EQTN: variants seen among roughly 807,000 people sequenced by gnomAD.
EQTN encodes Acrosome formation associated factor.
Under a neutral mutation model 26.9 loss-of-function variants are expected in EQTN, and 29 were observed. The ratio of observed to expected loss-of-function variants is 1.08; its 90% CI spans 0.80 to 1.47. The LOEUF (loss-of-function observed/expected upper bound fraction) is 1.47, where lower values mean the gene tolerates loss of function less well. Ranked by LOEUF, EQTN falls within the 40% of genes most tolerant of loss-of-function variation. EQTN has a pLI of 0.00. For synonymous variants in EQTN, 129 were observed against 120.0 expected, an observed-to-expected ratio of 1.07 and a Z score of -0.49; for missense variants, 391 against 346.1, an observed-to-expected ratio of 1.13 and a Z score of -1.03.
At chr9:27,295,017 A>T (rs1587116920) in intron 2 of EQTN, among the ~76,000 whole-genome samples, 1 of 152,348 alleles carries the variant, frequency 6.6e-6, no homozygotes, top group South Asian at 2.1e-4. Flanking sequence ...CCAAAATTTC[A>T]TAAGATGATA....
At position 27,294,318 on chromosome 9, in the gene EQTN, T is replaced by G; in HGVS notation, c.287A>C (p.Asn96Thr). 8 of 1,607,100 alleles carry G rather than the reference T, an allele frequency of 5.0e-6. No homozygotes were observed. The highest frequency in any genetic ancestry group is 1.3e-5 in the African/African-American group (1 of 74,936). ...ATTDLNFALK[N>T]DKTVNATTYE... Reference sequence around the variant, plus strand: ...CAATGGTGCCTTTCACTTCTTACCGTTTTTTAGAGCAAAATTCAGGTCAGT... The same window carrying G: ...CAATGGTGCCTTTCACTTCTTACCGGTTTTTAGAGCAAAATTCAGGTCAGT... The change falls in exon 3 of 8, where the codon AAC becomes ACC. Residue 96 changes from asparagine (N) to threonine (T), a missense_variant and splice_region_variant. Asn to Thr is a moderately conservative substitution (Grantham distance 65). Coordinates refer to ENST00000380032, the MANE Select transcript of EQTN (RefSeq NM_020641.3).
At chr9:27,290,583 C>A (rs1820214615) in intron 5 of EQTN, among the ~76,000 whole-genome samples, 1 of 152,316 alleles carries the variant, frequency 6.6e-6, no homozygotes, top group African/African-American at 2.4e-5. Flanking sequence ...TGCATTTATA[C>A]ACACACGCAT....
At chr9:27,295,189 T>A (rs902317673) in intron 2 of EQTN, among the ~76,000 whole-genome samples, 5 of 152,166 alleles carry the variant, frequency 3.3e-5, no homozygotes, top group African/African-American at 1.2e-4. Context: ...AGATAACAGA[T>A]AAATTATGGA....
chr9:27,286,319 T>C lies in EQTN; in HGVS notation c.525A>G (p.Leu175=), dbSNP rs1368338511. Residue 175 remains leucine, a synonymous_variant, in exon 7 of 8, where the codon CTA becomes CTG. Coordinates refer to ENST00000380032, the MANE Select transcript of EQTN (RefSeq NM_020641.3). ...GCATTATTTTGATCTTCAGATCCTC[T>C]AGATCTGGCTGATTTTCTCCCTGTG... ...NATQGENQPD[L]EDLKIKIMLG... The C allele has an allele frequency of 6.2e-7, 1 of 1,605,584 alleles. No homozygotes were observed. The highest frequency in any genetic ancestry group is 1.7e-5 in the Admixed American group (1 of 58,676).
chr9:27,295,860 ATAAAATTACTTT>A (rs1820332049), intron 2 of EQTN, among the ~76,000 whole-genome samples: 1 of 131,700 alleles, frequency 7.6e-6, no homozygotes, highest in South Asian at 2.4e-4. Flanking sequence ...AAAAACAACG[ATAAAATTACTTT>A]TAAAATTCAA....
Position 27,289,741 on chromosome 9 carries a change from C to A in EQTN, c.422-10G>T. Reference sequence around the variant, plus strand: ...GCTGTTCCATTTATAGCTGTTAAAACAAATTGGGGTTATGGTAAACAACGT... The same window carrying A: ...GCTGTTCCATTTATAGCTGTTAAAAAAAATTGGGGTTATGGTAAACAACGT... On this transcript the variant is annotated splice_polypyrimidine_tract_variant and intron_variant, in intron 5 of 7. Transcript: ENST00000380032. The A allele has an allele frequency of 1.3e-6, 2 of 1,597,952 alleles. No individual in the cohort carries two copies. The highest frequency in any genetic ancestry group is 1.7e-6 in the Non-Finnish European group (2 of 1,170,736).
intron 3 of EQTN, 40 bp downstream of exon 3, chr9:27,294,276 A>T: frequency 7.0e-7 from 1 of 1,420,096 alleles, no homozygotes; most frequent in Non-Finnish European, 9.9e-7. Flanking sequence ...ATCCTGCTTT[A>T]ATGGCTTTTA....
At chr9:27,295,852 A>AAAC (rs1820330601) in intron 2 of EQTN, among the ~76,000 whole-genome samples, 4 of 151,132 alleles carry the variant, frequency 2.6e-5, no homozygotes, top group South Asian at 2.1e-4. Flanking sequence ...AAAAAAAAAA[A>AAAC]AACAACGATA....
At chr9:27,293,961 G>A (rs1051728734) in intron 3 of EQTN, among the ~76,000 whole-genome samples, 8 of 152,028 alleles carry the variant, frequency 5.3e-5, no homozygotes, top group African/African-American at 1.9e-4. Flanking sequence ...AAAAAACGTG[G>A]GTTTAAGAAA....
At chr9:27,292,237 T>C (rs966114311) in intron 4 of EQTN, 164 bp downstream of exon 4, 1 of 420,430 alleles carries the variant, frequency 2.4e-6, no homozygotes, top group Non-Finnish European at 4.2e-6. Flanking sequence ...AGACTGACTG[T>C]TAGACATTCA....
chr9:27,295,693 G>A (rs954160396), intron 2 of EQTN, among the ~76,000 whole-genome samples: 18 of 151,932 alleles, frequency 1.2e-4, no homozygotes, highest in Admixed American at 3.3e-4. Context: ...TTAGCCGGGC[G>A]TGGTGGCGGG....
chr9:27,289,278 C>G (rs989324109), intron 6 of EQTN, among the ~76,000 whole-genome samples: 18 of 152,124 alleles, frequency 1.2e-4, no homozygotes, highest in Non-Finnish European at 2.1e-4. Context: ...GGAGGTATAA[C>G]TAAAAAAGAA....
chr9:27,294,334 T>G lies in EQTN; in HGVS notation c.271A>C (p.Asn91His). 5 of 1,609,184 alleles carry G rather than the reference T, an allele frequency of 3.1e-6. No homozygotes were observed. Among genetic ancestry groups the G allele is most frequent in the Non-Finnish European group, 4.2e-6 (5 of 1,176,822 alleles). Residue 91 changes from asparagine to histidine, a missense_variant, in exon 3 of 8, where the codon AAT becomes CAT. Asn to His is a moderately conservative substitution (Grantham distance 68, BLOSUM62 1). Transcript: ENST00000380032. ...EISVRATTDL[N>H]FALKNDKTVN... Reference sequence around the variant, plus strand: ...TTCTTACCGTTTTTTAGAGCAAAATTCAGGTCAGTTGTGGCTCTCACAGAT... The same window carrying G: ...TTCTTACCGTTTTTTAGAGCAAAATGCAGGTCAGTTGTGGCTCTCACAGAT...
rs1302406553 is a variant in EQTN at position 27,286,312 on chromosome 9, G to A, written c.532C>T (p.Leu178=). 1.9e-6 allele frequency: 3 copies of A among 1,607,496 alleles called. No individual in the cohort carries two copies. The highest frequency in any genetic ancestry group is 8.5e-7 in the Non-Finnish European group (1 of 1,176,800). Residue 178 remains leucine (L), a synonymous_variant, in exon 7 of 8, where the codon CTG becomes TTG. Coordinates refer to ENST00000380032, the MANE Select transcript of EQTN (RefSeq NM_020641.3). ...QGENQPDLED[L]KIKIMLGISL... Reference sequence around the variant, plus strand: ...ATTCCCAGCATTATTTTGATCTTCAGATCCTCTAGATCTGGCTGATTTTCT... The same window carrying A: ...ATTCCCAGCATTATTTTGATCTTCAAATCCTCTAGATCTGGCTGATTTTCT...
chr9:27,292,492 GA>G lies in EQTN; in HGVS notation c.290-6del. The G allele has an allele frequency of 1.9e-6, 3 of 1,565,490 alleles. No homozygotes were observed. The highest frequency in any genetic ancestry group is 1.7e-6 in the Non-Finnish European group (2 of 1,146,468). ...TAGTTGCATTGACAGTTTTATCTAG[GA>G]AAAGGGAAAAAGAATTATCAGCATG... On this transcript the variant is annotated splice_polypyrimidine_tract_variant and splice_region_variant and intron_variant, in intron 3 of 7. Coordinates refer to ENST00000380032, the MANE Select transcript of EQTN (RefSeq NM_020641.3).
chr9:27,292,372 G>C, intron 4 of EQTN, 29 bp downstream of exon 4: 1 of 1,409,798 alleles, frequency 7.1e-7, no homozygotes, highest in East Asian at 2.3e-5. Flanking sequence ...TATTCTCCAG[G>C]TATGAATACA....
chr9:27,295,696 G>A (rs1004306484), intron 2 of EQTN, among the ~76,000 whole-genome samples: 2 of 151,926 alleles, frequency 1.3e-5, no homozygotes, highest in African/African-American at 4.8e-5. Context: ...GCCGGGCGTG[G>A]TGGCGGGCGC....
chr9:27,295,760 A>C (rs1308974994), intron 2 of EQTN, among the ~76,000 whole-genome samples: 1 of 128,726 alleles, frequency 7.8e-6, no homozygotes, highest in Non-Finnish European at 1.6e-5. Context: ...TGAACCCGGG[A>C]GGCGGAACTT....
intron 4 of EQTN, among the ~76,000 whole-genome samples, chr9:27,291,825 G>GT (rs1563832354): frequency 6.6e-6 from 1 of 152,140 alleles, no homozygotes; most frequent in African/African-American, 2.4e-5. Context: ...GTAACGACAC[G>GT]TAAGTATCCA....
Sources: allele counts gnomAD v4.1 joint callset (sites outside exome capture counted in the v4.1 genomes callset), GRCh38; gene constraint gnomAD v4.1.1; transcripts MANE v1.5; gene names NCBI Gene and HGNC (gene_info 2026-07-23, HGNC 2026-07-21).